ERICH3: variants seen among roughly 807,000 people sequenced by gnomAD.
ERICH3 encodes glutamate rich 3, also known as glutamate-rich protein 3.
A neutral mutation model predicts 131.1 loss-of-function variants in ERICH3; 126 were observed. The ratio of observed to expected loss-of-function variants is 0.96; its 90% CI spans 0.83 to 1.11. The LOEUF (loss-of-function observed/expected upper bound fraction) is 1.11, where lower values mean the gene tolerates loss of function less well. Ranked by LOEUF, ERICH3 falls within the 50% of genes most tolerant of loss-of-function variation. The pLI, the probability that ERICH3 is intolerant of heterozygous loss-of-function variation, is 0.00. For missense variants in ERICH3, 2,050 were observed against 1,810.7 expected, an observed-to-expected ratio of 1.13 and a Z score of -2.40; for synonymous variants, 695 against 644.6, an observed-to-expected ratio of 1.08 and a Z score of -1.18.
At chr1:74,615,291 G>C (rs1040494992) in intron 8 of ERICH3, 3 of 152,130 alleles carry the variant, frequency 2.0e-5, no homozygotes, top group Non-Finnish European at 4.4e-5. Flanking sequence ...TTGGTCCATG[G>C]CACAGGTGAG....
At position 74,589,693 on chromosome 1, in the gene ERICH3, C is replaced by A; in HGVS notation, c.2114G>T (p.Trp705Leu). Residue 705 changes from tryptophan to leucine, a missense_variant, in exon 12 of 15, where the codon TGG (tryptophan) becomes TTG (leucine). By Grantham distance (61) the Trp-to-Leu change is moderately conservative. Transcript: ENST00000326665. ...EEKEKDKSKL[W>L]EESTAQVKDK... ...CTTCACCTGAGCAGTGCTTTCTTCCCAAAGCTTACTCTTATCCTTTTCCTT... is the reference window on the plus strand; with the variant it reads ...CTTCACCTGAGCAGTGCTTTCTTCCAAAAGCTTACTCTTATCCTTTTCCTT... 1 of 1,614,060 alleles carries A rather than the reference C, an allele frequency of 6.2e-7. No homozygotes were observed.
intron 2 of ERICH3, among the ~76,000 whole-genome samples, chr1:74,648,167 G>C (rs1226123819): frequency 6.6e-6 from 1 of 152,064 alleles, no homozygotes; most frequent in African/African-American, 2.4e-5. Flanking sequence ...TATTTGAATT[G>C]CCATGCATAC....
chr1:74,660,386 A>G (rs754906006), intron 1 of ERICH3, among the ~76,000 whole-genome samples: 1 of 151,860 alleles, frequency 6.6e-6, no homozygotes, highest in Non-Finnish European at 1.5e-5. Context: ...ATTAAACTGT[A>G]AATTGTTGAT....
At chr1:74,628,663 T>C (rs1336722602) in intron 7 of ERICH3, among the ~76,000 whole-genome samples, 2 of 151,562 alleles carry the variant, frequency 1.3e-5, no homozygotes, top group African/African-American at 4.8e-5. Flanking sequence ...CTTCCCCCCA[T>C]GTTATTCAAG....
chr1:74,618,742 G>A (rs2100607256), intron 8 of ERICH3, among the ~76,000 whole-genome samples: 1 of 152,256 alleles, frequency 6.6e-6, no homozygotes, highest in East Asian at 1.9e-4. Flanking sequence ...TGGGAATAAA[G>A]GATGCACTTG....
At chr1:74,651,184 T>C (rs768747212) in intron 1 of ERICH3, among the ~76,000 whole-genome samples, 1 of 152,086 alleles carries the variant, frequency 6.6e-6, no homozygotes, top group Non-Finnish European at 1.5e-5. Context: ...CTTAATTACA[T>C]GGAGATGATA....
intron 8 of ERICH3, among the ~76,000 whole-genome samples, chr1:74,613,308 T>G (rs888251697): frequency 2.0e-5 from 3 of 152,212 alleles, no homozygotes; most frequent in Admixed American, 1.3e-4. Flanking sequence ...CTTATTATCT[T>G]GTTATTTTTC....
intron 7 of ERICH3, among the ~76,000 whole-genome samples, chr1:74,628,447 C>T (rs1401976394): frequency 6.6e-6 from 1 of 152,098 alleles, no homozygotes; most frequent in Non-Finnish European, 1.5e-5. Context: ...TGTATTTTCT[C>T]TTATTTACAG....
rs1553161124 is a variant in ERICH3 at position 74,575,925 on chromosome 1, CT to C, written c.2218+969del. On this transcript the variant is annotated intron_variant, in intron 13 of 14. Transcript: ENST00000326665. The stretch of plus-strand genomic sequence containing the variant: ...AAGAAATATTAGTATAAAAACATGA[CT>C]TTTTTTTATGGTAACCCCATGGGCT... 3.1e-4 allele frequency among the ~76,000 whole-genome samples: 47 copies of C among 151,968 alleles called. No homozygotes were observed. In the South Asian group the frequency reaches 3.3e-3, roughly 11 times the overall value.
intron 8 of ERICH3, 70 bp from the exon 9 acceptor site, chr1:74,612,879 T>A: frequency 7.7e-7 from 1 of 1,301,756 alleles, no homozygotes; most frequent in Non-Finnish European, 1.1e-6. Flanking sequence ...AATCATGTTT[T>A]TCTATTAGAT....
intron 1 of ERICH3, among the ~76,000 whole-genome samples, chr1:74,660,777 A>G (rs1164653154): frequency 1.3e-5 from 2 of 151,674 alleles, no homozygotes; most frequent in African/African-American, 4.8e-5. Flanking sequence ...GTCTTTGGGT[A>G]TTTCCACAAA....
intron 12 of ERICH3, among the ~76,000 whole-genome samples, chr1:74,587,255 G>A (rs569118328): frequency 1.9e-4 from 28 of 148,748 alleles, no homozygotes; most frequent in African/African-American, 5.5e-4. Context: ...AACCCGGGAG[G>A]CAGAGGTTGC....
At chr1:74,621,619 A>T (rs2100611676) in intron 7 of ERICH3, 1 of 152,254 alleles carries the variant, frequency 6.6e-6, no homozygotes, top group East Asian at 1.9e-4. Context: ...TACTACAAAA[A>T]CCTATTTGAT....
chr1:74,585,121 A>T (rs1352660565), intron 12 of ERICH3, among the ~76,000 whole-genome samples: 1 of 152,184 alleles, frequency 6.6e-6, no homozygotes, highest in African/African-American at 2.4e-5. Context: ...TATATTTATG[A>T]TGTATAAATT....
chr1:74,573,919 G>GA (rs1647006162), intron 13 of ERICH3, among the ~76,000 whole-genome samples: 1 of 150,386 alleles, frequency 6.6e-6, no homozygotes, highest in Non-Finnish European at 1.5e-5. Context: ...ATAATAAGTG[G>GA]AAAAAATTAT....
At chr1:74,660,163 A>T (rs1646626564) in intron 1 of ERICH3, among the ~76,000 whole-genome samples, 1 of 151,904 alleles carries the variant, frequency 6.6e-6, no homozygotes, top group Non-Finnish European at 1.5e-5. Flanking sequence ...TTTGCTTGGC[A>T]CTTCTCCTTC....
At position 74,636,398 on chromosome 1, in the gene ERICH3, G is replaced by T. The variant is rs1031708022; in HGVS notation, c.485C>A (p.Pro162His). 4.3e-6 allele frequency: 7 copies of T among 1,612,822 alleles called. No homozygotes were observed. In the Admixed American group the frequency reaches 6.7e-5, roughly 15 times the overall value. Reference protein sequence around the residue: ...RPYTAPGNMQPPIRLQPLPSN... With the variant: ...RPYTAPGNMQHPIRLQPLPSN... ...GGGAAGAGGCTGTAATCGAATTGGA[G>T]GCTGCATATTTCCTGGAGCAGTATA... Residue 162 changes from proline to histidine, a missense_variant, in exon 6 of 15, where the codon CCT (proline) becomes CAT (histidine). Pro to His is a moderately conservative substitution (Grantham distance 77, BLOSUM62 -2). Transcript: ENST00000326665.
At chr1:74,636,065 C>A (rs1387693372) in intron 6 of ERICH3, among the ~76,000 whole-genome samples, 3 of 152,116 alleles carry the variant, frequency 2.0e-5, no homozygotes, top group African/African-American at 7.2e-5. Flanking sequence ...TATTACCAAT[C>A]TATTCTTTAC....
At chr1:74,662,149 C>T (rs1646647873) in intron 1 of ERICH3, among the ~76,000 whole-genome samples, 1 of 152,146 alleles carries the variant, frequency 6.6e-6, no homozygotes, top group Non-Finnish European at 1.5e-5. Flanking sequence ...GCTCCATGCT[C>T]TTGCATGTGG....
Sources: gnomAD v4.1 joint callset for allele counts (sites outside exome capture counted in the v4.1 genomes callset) on GRCh38, gnomAD v4.1.1 for gene constraint, MANE v1.5 for transcripts, NCBI Gene and HGNC (gene_info 2026-07-23, HGNC 2026-07-21) for gene names.